HECTD4: variants seen among roughly 807,000 people sequenced by gnomAD.
HECTD4 encodes the protein probable E3 ubiquitin-protein ligase HECTD4.
In HECTD4, 114 loss-of-function variants were observed where a neutral mutation model predicts 471.5. The observed-to-expected ratio is 0.24, with a 90% CI of 0.21 to 0.28. HECTD4 has a LOEUF of 0.28. Among genes scored for constraint, HECTD4 ranks in the 10% least tolerant of loss-of-function variants. The probability of loss-of-function intolerance (pLI) is 1.00; values close to 1 mark genes in which losing one functional copy is unlikely to be tolerated. For synonymous variants in HECTD4, 2,012 were observed against 2,256.0 expected, an observed-to-expected ratio of 0.89 and a Z score of 3.07; for missense variants, 3,866 against 5,651.5, an observed-to-expected ratio of 0.68 and a Z score of 10.13.
At chr12:112,350,931 T>A (rs531510325) in intron 1 of HECTD4, among the ~76,000 whole-genome samples, 1 of 152,260 alleles carries the variant, frequency 6.6e-6, no homozygotes, top group East Asian at 1.9e-4. Context: ...CAATTTAAAT[T>A]AAGGGCCCAT....
Position 112,338,623 on chromosome 12 carries a change from A to AAAAG in HECTD4, c.178-18885_178-18882dup, listed in dbSNP as rs549731509. On this transcript the variant is annotated intron_variant, in intron 1 of 75. Transcript: ENST00000682272. Reference sequence around the variant, plus strand: ...TGACAGAGTGAGACTCTATCTCAAAAAAAGAAAGAAAGAAAGAAAGAAAAA... The same window carrying AAAAG: ...TGACAGAGTGAGACTCTATCTCAAAAAAAGAAAGAAAGAAAGAAAGAAAGAAAAA... Among the ~76,000 whole-genome samples, 366 of 152,234 alleles carry AAAAG rather than the reference A, an allele frequency of 2.4e-3. 2 individuals are homozygous for AAAAG. The highest frequency in any genetic ancestry group is 4.3e-3 in the Admixed American group (66 of 15,278).
chr12:112,367,845 A>AAAAC (rs2036596965), intron 1 of HECTD4, among the ~76,000 whole-genome samples: 1 of 150,550 alleles, frequency 6.6e-6, no homozygotes, highest in African/African-American at 2.4e-5. Flanking sequence ...AAAAAAAAAA[A>AAAAC]AAACGCTAAC....
Position 112,178,057 on chromosome 12 carries a change from A to G in HECTD4, c.11363+874T>C, listed in dbSNP as rs961376270. Among the ~76,000 whole-genome samples, 13 of 152,356 alleles carry G rather than the reference A, an allele frequency of 8.5e-5. 1 individual carries two copies. In the East Asian group the frequency reaches 2.5e-3, roughly 29 times the overall value. On this transcript the variant is annotated intron_variant, in intron 64 of 75. Coordinates refer to ENST00000682272, the MANE Select transcript of HECTD4 (RefSeq NM_001388303.1). ...TGCAAGGGGCAATTCAATTTTTTCC[A>G]ATAGGCACTATGCATTTTCTTTTTC...
intron 1 of HECTD4, among the ~76,000 whole-genome samples, chr12:112,375,773 A>T (rs1038157069): frequency 6.6e-6 from 1 of 152,156 alleles, no homozygotes; most frequent in Non-Finnish European, 1.5e-5. Flanking sequence ...TCAACATTTT[A>T]AAAAAATTTC....
intron 1 of HECTD4, among the ~76,000 whole-genome samples, chr12:112,370,443 G>A (rs1168868885): frequency 2.6e-5 from 4 of 152,120 alleles, no homozygotes; most frequent in African/African-American, 9.7e-5. Flanking sequence ...TAAAACTGTG[G>A]CATTTCTAGA....
chr12:112,167,993 C>A, intron 70 of HECTD4, 76 bp from the exon 71 acceptor site: 1 of 1,182,628 alleles, frequency 8.5e-7, no homozygotes. Context: ...CTCTCACCTG[C>A]TGGCTGGAGC....
rs541806228 is a variant in HECTD4, at chr12:112,162,036, T to G, written c.*351A>C. ...GGCCGAGGTCATTGTACCCCCGGCT[T>G]CCTGCTGGGTGGTTCTGTGATGGGG... On this transcript the variant is annotated 3_prime_UTR_variant, in exon 76 of 76. Transcript: ENST00000682272. This position sits in a 1 kb window ranked among gnomAD's most constrained non-coding sequence, Gnocchi z 5.2. 1 of 202,636 alleles carries G rather than the reference T, an allele frequency of 4.9e-6. No individual in the cohort carries two copies. The highest frequency in any genetic ancestry group is 1.3e-4 in the East Asian group (1 of 7,962). The allele number at this position is 202,636 out of a possible 1,614,324, so 12.6% of individuals were successfully genotyped here.
chr12:112,187,310 T>G (rs1327932516), intron 60 of HECTD4, among the ~76,000 whole-genome samples: 2 of 151,312 alleles, frequency 1.3e-5, no homozygotes, highest in African/African-American at 4.9e-5. Flanking sequence ...TGGGCCAGAG[T>G]CCCAGAGCCT....
At chr12:112,248,851 T>C (rs543316254) in intron 25 of HECTD4, among the ~76,000 whole-genome samples, 6 of 152,328 alleles carry the variant, frequency 3.9e-5, no homozygotes, top group African/African-American at 1.4e-4. Flanking sequence ...TCCCAAAGTA[T>C]TGGGATTACA....
At chr12:112,312,239 C>T (rs1266703118) in intron 4 of HECTD4, among the ~76,000 whole-genome samples, 1 of 152,096 alleles carries the variant, frequency 6.6e-6, no homozygotes, top group Non-Finnish European at 1.5e-5. Flanking sequence ...TTTTAAAATT[C>T]CTATTTCATC....
At chr12:112,210,711 A>T (rs900056756) in intron 49 of HECTD4, among the ~76,000 whole-genome samples, 1 of 152,222 alleles carries the variant, frequency 6.6e-6, no homozygotes, top group African/African-American at 2.4e-5. Context: ...GAAGTCTGTG[A>T]TTCTCATTCA....
intron 1 of HECTD4, among the ~76,000 whole-genome samples, chr12:112,329,323 G>A (rs1226585087): frequency 2.0e-5 from 3 of 148,366 alleles, no homozygotes. Context: ...AAGGAAAAGT[G>A]TTTTAGCTGT....
chr12:112,269,390 C>A (rs1298942602), intron 13 of HECTD4, among the ~76,000 whole-genome samples: 1 of 152,182 alleles, frequency 6.6e-6, no homozygotes, highest in Non-Finnish European at 1.5e-5. Context: ...GCTTCTTAAC[C>A]ACCCTGCCAC....
At chr12:112,320,827 G>A (rs553709791) in intron 1 of HECTD4, among the ~76,000 whole-genome samples, 1 of 152,024 alleles carries the variant, frequency 6.6e-6, no homozygotes, top group African/African-American at 2.4e-5. Flanking sequence ...GATTATTCAC[G>A]GTTCTTTGGT....
chr12:112,195,176 C>T (rs2135525820), intron 55 of HECTD4, 110 bp from the exon 56 acceptor site: 1 of 901,486 alleles, frequency 1.1e-6, no homozygotes, highest in Non-Finnish European at 1.6e-6. Flanking sequence ...GGCTTCTCTT[C>T]CAGCCTGATG....
intron 2 of HECTD4, 77 bp from the exon 3 acceptor site, chr12:112,314,623 T>G: frequency 1.2e-6 from 1 of 831,878 alleles, no homozygotes. Context: ...CTAATTTAAT[T>G]AACCACATGG....
chr12:112,305,712 A>C (rs1402371284), intron 7 of HECTD4, among the ~76,000 whole-genome samples: 1 of 152,240 alleles, frequency 6.6e-6, no homozygotes, highest in Non-Finnish European at 1.5e-5. Context: ...CAATGTTGTT[A>C]TCTCTCTCAG....
At position 112,244,008 on chromosome 12, in the gene HECTD4, AGCT is replaced by A; in HGVS notation, c.4514-2_4514del. 6.2e-7 allele frequency: 1 copy of A among 1,612,806 alleles called. No homozygotes were observed. The highest frequency in any genetic ancestry group is 1.7e-5 in the Admixed American group (1 of 59,796). On this transcript the variant is annotated splice_acceptor_variant and coding_sequence_variant, in exon 30 of 76. Transcript: ENST00000682272. LOFTEE classifies it high-confidence loss of function. ...CTTTTGTTTCAGAAGCTGATTTACA[AGCT>A]AGAAAAAAAAGGAATAAAAAGGCTG...
chr12:112,200,611 C>T (rs372232833), intron 55 of HECTD4, 27 bp downstream of exon 55: 63 of 1,596,008 alleles, frequency 3.9e-5, no homozygotes, highest in Middle Eastern at 3.4e-4. Flanking sequence ...TTTCTGTGAC[C>T]CAGTAGAAAG....
Sources: allele counts gnomAD v4.1 joint callset (sites outside exome capture counted in the v4.1 genomes callset), GRCh38; gene constraint gnomAD v4.1.1; non-coding constraint Gnocchi (gnomAD v3.1); transcripts MANE v1.5; gene names NCBI Gene and HGNC (gene_info 2026-07-23, HGNC 2026-07-21).